Variants in AKT1 observed in about 807,000 individuals in gnomAD.
AKT1 encodes the protein AKT serine/threonine kinase 1.
AKT1 carries 21 observed loss-of-function variants against 63.1 expected under a neutral mutation model. That is an observed-to-expected ratio of 0.33 (90% confidence interval 0.24 to 0.48). The LOEUF is 0.48. Ranked by LOEUF, AKT1 falls within the 20% of genes least tolerant of loss-of-function variation. AKT1 has a pLI of 0.99. For synonymous variants in AKT1, 257 were observed against 253.1 expected (o/e 1.02, Z -0.15); for missense variants, 382 against 666.0 (o/e 0.57, Z 4.69).
intron 3 of AKT1, among the ~76,000 whole-genome samples, chr14:104,785,651 A>G (rs1893291828): frequency 6.6e-6 from 1 of 152,148 alleles, no homozygotes. Context: ...TGACCCTCAG[A>G]GGCAGATCAT....
At chr14:104,786,636 G>A (rs1318746880) in intron 3 of AKT1, among the ~76,000 whole-genome samples, 1 of 152,214 alleles carries the variant, frequency 6.6e-6, no homozygotes, top group Non-Finnish European at 1.5e-5. Context: ...CGCCACAGAG[G>A]GGCCTTCCAT....
chr14:104,770,327 A>G lies in AKT1; in HGVS notation c.*14T>C, dbSNP rs941228566. On this transcript the variant is annotated 3_prime_UTR_variant, in exon 15 of 15. Coordinates refer to ENST00000649815, the MANE Select transcript of AKT1 (RefSeq NM_001382430.1). ...ATCCCTCCAAGCTATCGTCCAGCGC[A>G]GTCCACCGCCGCCTCAGGCCGTGCC... 2 of 1,605,908 alleles carry G rather than the reference A, an allele frequency of 1.2e-6. No individual in the cohort carries two copies. Among genetic ancestry groups the G allele is most frequent in the Non-Finnish European group, 8.5e-7 (1 of 1,178,052 alleles).
chr14:104,783,377 C>G (rs571795662), intron 3 of AKT1, among the ~76,000 whole-genome samples: 1 of 152,244 alleles, frequency 6.6e-6, no homozygotes, highest in African/African-American at 2.4e-5. Context: ...GAAAAGTGCC[C>G]TGCATTGCTG....
Position 104,792,670 on chromosome 14 carries a change from C to G in AKT1, c.-27G>C, listed in dbSNP as rs768619756. 5 of 1,607,094 alleles carry G rather than the reference C, an allele frequency of 3.1e-6. No individual in the cohort carries two copies. The African/African-American group carries it at 4.0e-5, about 13-fold the overall frequency. ...GTGCCCGAGGCTCCCGCGACGCTCA[C>G]GCGCTCCTCTCAGGCTGGCGCTCCC... On this transcript the variant is annotated 5_prime_UTR_variant, in exon 3 of 15. Coordinates refer to ENST00000649815, the MANE Select transcript of AKT1 (RefSeq NM_001382430.1).
intron 13 of AKT1, chr14:104,771,746 C>CA (rs1191497008): frequency 4.2e-6 from 1 of 235,832 alleles, no homozygotes; most frequent in Non-Finnish European, 8.4e-6. Context: ...CCCAGCATCT[C>CA]AGAGTGCAGG....
intron 4 of AKT1, 106 bp downstream of exon 4, chr14:104,779,982 C>G: frequency 6.7e-7 from 1 of 1,488,872 alleles, no homozygotes; most frequent in Non-Finnish European, 9.0e-7. Context: ...CTTGCCAGCC[C>G]AGGACTTGGA....
Position 104,795,162 on chromosome 14 carries a change from C to A in AKT1, c.-258+322G>T, listed in dbSNP as rs1893825831. 1 of 152,164 alleles carries A rather than the reference C, an allele frequency of 6.6e-6. No individual in the cohort carries two copies. The highest frequency in any genetic ancestry group is 1.9e-4 in the East Asian group (1 of 5,148). 9.4% of individuals were successfully genotyped at this position (152,164 alleles called of 1,614,324 possible). A position where few individuals can be genotyped will look rare whatever the true frequency, so the allele number is the denominator to read the frequency against. On this transcript the variant is annotated intron_variant, in intron 1 of 14. Coordinates refer to ENST00000649815, the MANE Select transcript of AKT1 (RefSeq NM_001382430.1). The surrounding 1 kb of genome is among the most constrained non-coding windows in gnomAD (Gnocchi z 5.1). Reference sequence around the variant, plus strand: ...GGGAGCCCCACGGCCCGCAGGGGCACCCCGAGCCCCAGCTCCAGGCCCGGC... The same window carrying A: ...GGGAGCCCCACGGCCCGCAGGGGCAACCCGAGCCCCAGCTCCAGGCCCGGC...
intron 4 of AKT1, chr14:104,777,841 G>A (rs1025315150): frequency 2.6e-6 from 1 of 387,632 alleles, no homozygotes; most frequent in African/African-American, 2.2e-5. Flanking sequence ...GACCAGCCTG[G>A]TGGGGAGGGT....
At chr14:104,777,391 C>T (rs1892789486) in intron 4 of AKT1, 2 of 234,436 alleles carry the variant, frequency 8.5e-6, no homozygotes, top group African/African-American at 2.7e-5. Context: ...GGCACACGCA[C>T]ACCTGAGGCA....
intron 6 of AKT1, chr14:104,775,409 G>A (rs1566817890): frequency 8.8e-7 from 1 of 1,131,856 alleles, no homozygotes; most frequent in South Asian, 1.6e-5. Context: ...AGAGCATGGG[G>A]TTCAGGGAAG....
At chr14:104,789,089 C>T (rs61759767) in intron 3 of AKT1, among the ~76,000 whole-genome samples, 3 of 152,228 alleles carry the variant, frequency 2.0e-5, no homozygotes, top group Non-Finnish European at 4.4e-5. Flanking sequence ...CACAGCCTGC[C>T]GAAGGCAGCC....
At chr14:104,783,285 T>A (rs942034656) in intron 3 of AKT1, among the ~76,000 whole-genome samples, 2 of 152,130 alleles carry the variant, frequency 1.3e-5, no homozygotes, top group East Asian at 1.9e-4. Flanking sequence ...TTCCCCACCC[T>A]GTTGTGGTCC....
At chr14:104,780,865 C>T (rs1892997733) in intron 3 of AKT1, among the ~76,000 whole-genome samples, 1 of 152,248 alleles carries the variant, frequency 6.6e-6, no homozygotes, top group African/African-American at 2.4e-5. Context: ...GGAGCACCGT[C>T]TTGGGGACTG....
At chr14:104,776,569 G>A (rs1595247188) in intron 5 of AKT1, 90 bp downstream of exon 5, 1 of 1,147,518 alleles carries the variant, frequency 8.7e-7, no homozygotes, top group South Asian at 1.4e-5. Context: ...GATGGCTACA[G>A]GCAGAGGTGC....
chr14:104,776,774 C>T lies in AKT1; in HGVS notation c.176-4G>A, dbSNP rs776399604. The T allele has an allele frequency of 4.1e-5, 66 of 1,611,418 alleles. No homozygotes were observed. The highest frequency in any genetic ancestry group is 5.3e-5 in the African/African-American group (4 of 74,916). Reference sequence around the variant, plus strand: ...TCCGTCTTCATCAGCTGGCACTCTGCGGGCAGGCAGAGCCTCTGTCTGCGT... The same window carrying T: ...TCCGTCTTCATCAGCTGGCACTCTGTGGGCAGGCAGAGCCTCTGTCTGCGT... On this transcript the variant is annotated splice_region_variant and splice_polypyrimidine_tract_variant and intron_variant, in intron 4 of 14. Transcript: ENST00000649815.
rs146483593 is a variant in AKT1, at chr14:104,772,397, C to T, written c.1228G>A (p.Gly410Ser). ...KEIMQHRFFA[G>S]IVWQHVYEKK... Reference sequence around the variant, plus strand: ...TCGTACACGTGCTGCCACACGATACCGGCAAAGAAGCGATGCTGCATGATC... The same window carrying T: ...TCGTACACGTGCTGCCACACGATACTGGCAAAGAAGCGATGCTGCATGATC... Residue 410 changes from glycine (G) to serine (S), a missense_variant, in exon 13 of 15, where the codon GGT (glycine) becomes AGT (serine). Coordinates refer to ENST00000649815, the MANE Select transcript of AKT1 (RefSeq NM_001382430.1). 1.7e-5 allele frequency: 28 copies of T among 1,613,742 alleles called. No homozygotes were observed. In the Admixed American group the frequency reaches 1.8e-4, roughly 11 times the overall value.
intron 3 of AKT1, among the ~76,000 whole-genome samples, chr14:104,787,246 T>A (rs1185864148): frequency 6.6e-6 from 1 of 152,054 alleles, no homozygotes; most frequent in African/African-American, 2.4e-5. Context: ...GAACTCCCGT[T>A]GGAGATGAGG....
At chr14:104,774,893 G>A (rs779340151) in intron 8 of AKT1, 45 bp downstream of exon 8, 21 of 1,581,160 alleles carry the variant, frequency 1.3e-5, no homozygotes, top group South Asian at 3.4e-5. Context: ...CCCAGGAGTC[G>A]CTACCTGGCC....
intron 4 of AKT1, among the ~76,000 whole-genome samples, chr14:104,779,762 C>A (rs1404274546): frequency 6.6e-6 from 1 of 151,690 alleles, no homozygotes; most frequent in African/African-American, 2.4e-5. Context: ...CCCGCCCAGC[C>A]AGCCTCAGGA....
Sources: gnomAD v4.1 joint callset for allele counts (sites outside exome capture counted in the v4.1 genomes callset) on GRCh38, gnomAD v4.1.1 for gene constraint, Gnocchi (gnomAD v3.1) non-coding constraint, MANE v1.5 for transcripts, NCBI Gene and HGNC (gene_info 2026-07-23, HGNC 2026-07-21) for gene names.